The following PCBP3 variants were observed in gnomAD, a reference collection of about 807,000 sequenced individuals.
PCBP3 encodes the protein poly(rC)-binding protein 3.
Under a neutral mutation model 52.7 loss-of-function variants are expected in PCBP3, and 25 were observed. The ratio of observed to expected loss-of-function variants is 0.47; its 90% CI spans 0.35 to 0.66. PCBP3 has a LOEUF of 0.66. PCBP3 is among the 30% of genes least tolerant of loss of function. PCBP3 has a pLI of 0.01. For missense variants in PCBP3, 391 were observed against 490.3 expected (o/e 0.80, Z 1.91); for synonymous variants, 162 against 183.0 (o/e 0.89, Z 0.93).
intron 4 of PCBP3, among the ~76,000 whole-genome samples, chr21:45,777,753 TTTG>T (rs1392795004): frequency 6.6e-6 from 1 of 152,036 alleles, no homozygotes; most frequent in East Asian, 1.9e-4. Context: ...AGTTCTAGAA[TTTG>T]TTTTTTTTTT....
chr21:45,841,904 C>T lies in PCBP3; in HGVS notation c.-125-8057C>T, dbSNP rs146291261. On this transcript the variant is annotated intron_variant, in intron 4 of 17. Coordinates refer to ENST00000681687, the MANE Select transcript of PCBP3 (RefSeq NM_001384156.1). The stretch of plus-strand genomic sequence containing the variant: ...CTCAGGAGGGCTCCCTTCCCTGACT[C>T]TGTTGTCTAGAGACGCACAGCCTCT... 1.3e-3 allele frequency among the ~76,000 whole-genome samples: 202 copies of T among 152,370 alleles called. 2 individuals are homozygous for T. Among genetic ancestry groups the T allele is most frequent in the African/African-American group, 4.5e-3 (187 of 41,588 alleles).
intron 4 of PCBP3, among the ~76,000 whole-genome samples, chr21:45,840,456 CAAAA>C (rs36059363): frequency 1.3e-4 from 11 of 87,988 alleles, no homozygotes; most frequent in Admixed American, 3.4e-4. Flanking sequence ...GACCCTGTCT[CAAAA>C]AAAAAAAAAA....
At chr21:45,807,428 T>C (rs1353922948) in intron 4 of PCBP3, among the ~76,000 whole-genome samples, 1 of 152,154 alleles carries the variant, frequency 6.6e-6, no homozygotes, top group Non-Finnish European at 1.5e-5. Context: ...TGAACTCCCA[T>C]TCACAATTGC....
intron 5 of PCBP3, among the ~76,000 whole-genome samples, chr21:45,887,771 G>A (rs747625304): frequency 1.3e-5 from 2 of 152,232 alleles, no homozygotes; most frequent in African/African-American, 2.4e-5. Flanking sequence ...GGTGCATCCT[G>A]CCAGGTCGCC....
At chr21:45,850,443 A>T (rs2093950690) in intron 5 of PCBP3, among the ~76,000 whole-genome samples, 1 of 152,094 alleles carries the variant, frequency 6.6e-6, no homozygotes, top group Non-Finnish European at 1.5e-5. Context: ...TGGGGGCTGA[A>T]GATCGTCCTG....
chr21:45,684,965 C>G (rs1314981660), intron 2 of PCBP3, among the ~76,000 whole-genome samples: 1 of 152,142 alleles, frequency 6.6e-6, no homozygotes, highest in African/African-American at 2.4e-5. Flanking sequence ...TTCCCCACAC[C>G]CTGCCCCCTG....
At chr21:45,870,501 C>T (rs911447861) in intron 5 of PCBP3, among the ~76,000 whole-genome samples, 1 of 152,246 alleles carries the variant, frequency 6.6e-6, no homozygotes, top group African/African-American at 2.4e-5. Context: ...CTCCTGCTTC[C>T]CTCCTCCCCA....
chr21:45,939,886 C>T, intron 16 of PCBP3, 144 bp from the exon 17 acceptor site: 2 of 687,024 alleles, frequency 2.9e-6, no homozygotes, highest in Non-Finnish European at 4.9e-6. Context: ...GTGGGCGGGG[C>T]CTCTCCGGGG....
intron 2 of PCBP3, among the ~76,000 whole-genome samples, chr21:45,672,336 A>T (rs1325663456): frequency 6.6e-6 from 1 of 152,084 alleles, no homozygotes; most frequent in Non-Finnish European, 1.5e-5. Context: ...AGTTTTTGGT[A>T]TTCTGTTATA....
At chr21:45,768,146 C>A (rs2089528801) in intron 4 of PCBP3, among the ~76,000 whole-genome samples, 1 of 152,192 alleles carries the variant, frequency 6.6e-6, no homozygotes. Context: ...GCCTTCTCAC[C>A]CTTTGGTGGG....
chr21:45,839,515 T>A (rs115276266), intron 4 of PCBP3, among the ~76,000 whole-genome samples: 2,939 of 152,300 alleles, frequency 0.019, 100 homozygotes, highest in African/African-American at 0.067. Flanking sequence ...CCTGTGTTCT[T>A]GTGGAGTCAT....
intron 2 of PCBP3, among the ~76,000 whole-genome samples, chr21:45,718,178 C>A (rs2084356331): frequency 6.8e-6 from 1 of 147,434 alleles, no homozygotes; most frequent in South Asian, 2.1e-4. Context: ...CTCTTTCATT[C>A]CTAATTTTAA....
chr21:45,698,919 A>C (rs780009834), intron 2 of PCBP3, among the ~76,000 whole-genome samples: 17 of 152,178 alleles, frequency 1.1e-4, no homozygotes. Context: ...AGGGGCAGGG[A>C]ACATTTTACT....
intron 2 of PCBP3, among the ~76,000 whole-genome samples, chr21:45,731,463 C>A (rs60915172): frequency 0.014 from 2,184 of 152,210 alleles, 60 homozygotes; most frequent in African/African-American, 0.05. Flanking sequence ...CTTCTCTGGG[C>A]GGAGTTTTTA....
At chr21:45,836,598 C>T (rs995255842) in intron 4 of PCBP3, among the ~76,000 whole-genome samples, 3 of 151,662 alleles carry the variant, frequency 2.0e-5, no homozygotes, top group Admixed American at 6.6e-5. Context: ...ATGACACGTA[C>T]GTAACGTGAG....
chr21:45,694,771 GT>G (rs1286108956), intron 2 of PCBP3, among the ~76,000 whole-genome samples: 2 of 152,216 alleles, frequency 1.3e-5, no homozygotes, highest in Admixed American at 6.5e-5. Flanking sequence ...TGCCTCTATA[GT>G]AAAGACAACA....
chr21:45,657,256 C>T (rs368526219), intron 1 of PCBP3, among the ~76,000 whole-genome samples: 15 of 152,138 alleles, frequency 9.9e-5, no homozygotes, highest in East Asian at 3.8e-4. Flanking sequence ...CAAAGATTTA[C>T]ACCTCCGTTT....
chr21:45,691,502 G>A (rs890697846), intron 2 of PCBP3, among the ~76,000 whole-genome samples: 1 of 148,540 alleles, frequency 6.7e-6, no homozygotes, highest in African/African-American at 2.5e-5. Flanking sequence ...TCACTAATCT[G>A]TACACCTCAA....
rs771854258 is a variant in PCBP3 at position 45,817,282 on chromosome 21, G to A, written c.-125-32679G>A. ...TTCATGGGTCTCAAGTGAACACCCT[G>A]GATGCTGAGTGAGGGGCCTCCACTG... is the stretch of plus-strand genomic sequence containing the variant. On this transcript the variant is annotated intron_variant, in intron 4 of 17. Transcript: ENST00000681687. This position sits in a 1 kb window ranked among gnomAD's most constrained non-coding sequence, Gnocchi z 4.3. 3.2e-4 allele frequency among the ~76,000 whole-genome samples: 49 copies of A among 152,290 alleles called. No homozygotes were observed. Among genetic ancestry groups the A allele is most frequent in the Non-Finnish European group, 4.9e-4 (33 of 68,012 alleles).
Sources: gnomAD v4.1 joint callset for allele counts (sites outside exome capture counted in the v4.1 genomes callset) on GRCh38, gnomAD v4.1.1 for gene constraint, Gnocchi (gnomAD v3.1) non-coding constraint, MANE v1.5 for transcripts, NCBI Gene and HGNC (gene_info 2026-07-23, HGNC 2026-07-21) for gene names.